The following CTNNA3 variants were observed in gnomAD, a reference collection of about 807,000 sequenced individuals.
The protein encoded by CTNNA3 is catenin alpha-3.
CTNNA3 carries 76 observed loss-of-function variants against 95.7 expected under a neutral mutation model. The observed-to-expected ratio is 0.79, with a 90% CI of 0.66 to 0.96. The LOEUF (loss-of-function observed/expected upper bound fraction) is 0.96, where lower values mean the gene tolerates loss of function less well. Among genes scored for constraint, CTNNA3 ranks in the 40% least tolerant of loss-of-function variants. CTNNA3 has a pLI of 0.00. For synonymous variants in CTNNA3, 431 were observed against 374.4 expected, an observed-to-expected ratio of 1.15 and a Z score of -1.74; for missense variants, 1,191 against 1,089.8, an observed-to-expected ratio of 1.09 and a Z score of -1.31.
intron 17 of CTNNA3, among the ~76,000 whole-genome samples, chr10:65,929,568 T>C (rs2077218675): frequency 6.6e-6 from 1 of 151,452 alleles, no homozygotes; most frequent in Non-Finnish European, 1.5e-5. Flanking sequence ...CTTTTCTTTC[T>C]TTCTTTTTTT....
At chr10:66,634,459 T>C (rs947478783) in intron 9 of CTNNA3, among the ~76,000 whole-genome samples, 1 of 152,062 alleles carries the variant, frequency 6.6e-6, no homozygotes, top group Non-Finnish European at 1.5e-5. Flanking sequence ...TGTCAAATAA[T>C]GGCACAAAAA....
chr10:66,803,490 C>T (rs1841511531), intron 7 of CTNNA3, among the ~76,000 whole-genome samples: 1 of 152,024 alleles, frequency 6.6e-6, no homozygotes, highest in African/African-American at 2.4e-5. Context: ...TTTATCACTA[C>T]ACATTGTATA....
intron 7 of CTNNA3, among the ~76,000 whole-genome samples, chr10:67,037,380 AG>A (rs1296811100): frequency 2.3e-5 from 3 of 129,164 alleles, no homozygotes; most frequent in Non-Finnish European, 5.2e-5. Context: ...AAAAAAAAAA[AG>A]AAAAAAGAAA....
intron 7 of CTNNA3, among the ~76,000 whole-genome samples, chr10:66,958,811 G>C (rs1017428010): frequency 2.0e-5 from 3 of 152,120 alleles, no homozygotes; most frequent in African/African-American, 7.2e-5. Context: ...ACTGCTCAAA[G>C]AAGAAGGAAA....
intron 7 of CTNNA3, among the ~76,000 whole-genome samples, chr10:66,814,167 G>A (rs1462066709): frequency 2.0e-5 from 3 of 151,708 alleles, no homozygotes; most frequent in East Asian, 2.0e-4. Context: ...ATTGGGGCCC[G>A]GTATAGAAAC....
chr10:65,943,133 G>A (rs1046622308), intron 17 of CTNNA3, among the ~76,000 whole-genome samples: 14 of 149,584 alleles, frequency 9.4e-5, no homozygotes, highest in Admixed American at 4.0e-4. Context: ...GCGTGATCTC[G>A]GCTCACTGCA....
At chr10:66,197,763 T>G in intron 13 of CTNNA3, among the ~76,000 whole-genome samples, 1 of 152,254 alleles carries the variant, frequency 6.6e-6, no homozygotes, top group Middle Eastern at 3.4e-3. Flanking sequence ...AAAGCAAGAC[T>G]AGTAAAGGCC....
At chr10:67,267,680 C>G (rs1207622604) in intron 5 of CTNNA3, among the ~76,000 whole-genome samples, 1 of 151,984 alleles carries the variant, frequency 6.6e-6, no homozygotes, top group South Asian at 2.1e-4. Flanking sequence ...CTTGAAACAT[C>G]AAGAAAAACA....
chr10:66,384,160 TAA>T lies in CTNNA3; in HGVS notation c.1532-4810_1532-4809del, dbSNP rs550589159. 5.9e-5 allele frequency among the ~76,000 whole-genome samples: 9 copies of T among 152,122 alleles called. No homozygotes were observed. The South Asian group carries it at 8.3e-4, about 14-fold the overall frequency. On this transcript the variant is annotated intron_variant, in intron 11 of 17. Transcript: ENST00000433211. The stretch of plus-strand genomic sequence containing the variant: ...AAAAGACACAGAGTGGCATGTTGGA[TAA>T]AGAGTCAAAACCCGTAAGTGTGCTG...
chr10:67,569,864 T>C (rs1194170075), intron 3 of CTNNA3, among the ~76,000 whole-genome samples: 3 of 152,168 alleles, frequency 2.0e-5, no homozygotes, highest in Non-Finnish European at 4.4e-5. Context: ...AATCATTATC[T>C]GGATCTTAGC....
intron 12 of CTNNA3, among the ~76,000 whole-genome samples, chr10:66,296,620 CA>C (rs2091783065): frequency 6.6e-6 from 1 of 151,794 alleles, no homozygotes; most frequent in African/African-American, 2.4e-5. Context: ...TCTATACACA[CA>C]CACACACGCA....
At chr10:67,332,965 T>C (rs1283899564) in intron 5 of CTNNA3, among the ~76,000 whole-genome samples, 1 of 152,152 alleles carries the variant, frequency 6.6e-6, no homozygotes, top group Non-Finnish European at 1.5e-5. Context: ...GAAGATCCCC[T>C]ATGATTCACA....
chr10:67,368,884 GA>G (rs1212603795), intron 5 of CTNNA3, among the ~76,000 whole-genome samples: 1 of 152,166 alleles, frequency 6.6e-6, no homozygotes, highest in Non-Finnish European at 1.5e-5. Context: ...GCAGAAAAGG[GA>G]AACATTGCAG....
At chr10:67,726,501 A>AATATATT (rs1302697581) in intron 1 of CTNNA3, among the ~76,000 whole-genome samples, 3 of 55,952 alleles carry the variant, frequency 5.4e-5, no homozygotes, top group African/African-American at 2.7e-4. Flanking sequence ...TACAATATAT[A>AATATATT]ATATATTATA....
At chr10:66,458,903 T>G (rs10997137) in intron 11 of CTNNA3, among the ~76,000 whole-genome samples, 17,358 of 152,170 alleles carry the variant, frequency 0.11, 1,396 homozygotes, top group African/African-American at 0.23. Context: ...GCAAATATCT[T>G]TTTGTGTCCT....
intron 7 of CTNNA3, among the ~76,000 whole-genome samples, chr10:67,031,435 T>C (rs1475351278): frequency 6.6e-6 from 1 of 152,204 alleles, no homozygotes; most frequent in Non-Finnish European, 1.5e-5. Flanking sequence ...ACATTGTGCT[T>C]ATCACTAATG....
chr10:66,274,082 T>C (rs779080675), intron 13 of CTNNA3, among the ~76,000 whole-genome samples: 2 of 152,152 alleles, frequency 1.3e-5, no homozygotes, highest in Non-Finnish European at 2.9e-5. Context: ...ACAAAATCTC[T>C]AAGGCAAGGT....
chr10:67,049,601 A>G (rs1031406303), intron 7 of CTNNA3, among the ~76,000 whole-genome samples: 9 of 152,176 alleles, frequency 5.9e-5, no homozygotes, highest in African/African-American at 2.2e-4. Flanking sequence ...TTGAACAAAA[A>G]AGGGAAAATA....
At chr10:66,807,753 T>G (rs969684168) in intron 7 of CTNNA3, among the ~76,000 whole-genome samples, 1 of 152,160 alleles carries the variant, frequency 6.6e-6, no homozygotes, top group Non-Finnish European at 1.5e-5. Context: ...GTTAAAAAGT[T>G]ATCTTCCCCA....
Sources: gnomAD v4.1 joint callset for allele counts (sites outside exome capture counted in the v4.1 genomes callset) on GRCh38, gnomAD v4.1.1 for gene constraint, MANE v1.5 for transcripts, NCBI Gene and HGNC (gene_info 2026-07-23, HGNC 2026-07-21) for gene names.